The following RANBP2 variants were observed in gnomAD, a reference collection of about 807,000 sequenced individuals.
RANBP2 encodes the protein RAN binding protein 2, also known as E3 SUMO-protein ligase RanBP2.
In RANBP2, 57 loss-of-function variants were observed where a neutral mutation model predicts 303.6. The ratio of observed to expected loss-of-function variants is 0.19; its 90% CI spans 0.15 to 0.23. The LOEUF is 0.23. RANBP2 is among the 10% of genes least tolerant of loss of function. The pLI, the probability that RANBP2 is intolerant of heterozygous loss-of-function variation, is 1.00. For missense variants in RANBP2, 3,138 were observed against 3,780.8 expected (o/e 0.83, Z 4.46); for synonymous variants, 1,167 against 1,301.5 (o/e 0.90, Z 2.23).
At chr2:109,030,573 G>C in the RANBP2 span, among the ~76,000 whole-genome samples, 1 of 152,208 alleles carries the variant, frequency 6.6e-6, no homozygotes, top group Non-Finnish European at 1.5e-5. Flanking sequence ...AAGGAGTGGG[G>C]AGTGGTGGCC....
At chr2:108,772,689 G>T in intron 22 of RANBP2, 108 bp downstream of exon 22, 1 of 1,290,500 alleles carries the variant, frequency 7.7e-7, no homozygotes, top group Non-Finnish European at 1.1e-6. Flanking sequence ...GATGCCCATG[G>T]TGATTTAAAA....
the RANBP2 span, among the ~76,000 whole-genome samples, chr2:108,823,532 G>A: frequency 1.3e-5 from 2 of 152,158 alleles, no homozygotes; most frequent in Admixed American, 6.5e-5. Context: ...CCTACTACCA[G>A]CCTAGGCTAT....
chr2:109,692,618 G>A, the RANBP2 span, among the ~76,000 whole-genome samples: 1 of 152,100 alleles, frequency 6.6e-6, no homozygotes, highest in Non-Finnish European at 1.5e-5. Context: ...GAGGAAGCCT[G>A]TGGGAGGGAG....
chr2:109,001,952 G>A, the RANBP2 span, among the ~76,000 whole-genome samples: 1 of 151,874 alleles, frequency 6.6e-6, no homozygotes, highest in East Asian at 1.9e-4. Flanking sequence ...GGATGGTCTC[G>A]ATCTCCTGAC....
chr2:109,616,604 C>T, the RANBP2 span: 1 of 167,074 alleles, frequency 6.0e-6, no homozygotes, highest in African/African-American at 2.4e-5. Context: ...TGCAAAAATA[C>T]TAATTAGAGA....
At chr2:109,580,339 C>A in the RANBP2 span, among the ~76,000 whole-genome samples, 1 of 114,542 alleles carries the variant, frequency 8.7e-6, no homozygotes, top group Non-Finnish European at 1.9e-5. Context: ...CACAATTTCT[C>A]CATAAAATGC....
chr2:109,377,723 A>T, the RANBP2 span, among the ~76,000 whole-genome samples: 1 of 152,186 alleles, frequency 6.6e-6, no homozygotes, highest in African/African-American at 2.4e-5. Flanking sequence ...CAGCACAATG[A>T]TGATAGCGTG....
At chr2:108,781,729 A>G (rs531114237) in intron 26 of RANBP2, among the ~76,000 whole-genome samples, 49 of 152,278 alleles carry the variant, frequency 3.2e-4, no homozygotes, top group Non-Finnish European at 6.2e-4. Flanking sequence ...CCTCATACTC[A>G]CTAAAGTCCT....
chr2:109,408,583 G>T, the RANBP2 span, among the ~76,000 whole-genome samples: 1 of 152,340 alleles, frequency 6.6e-6, no homozygotes, highest in Non-Finnish European at 1.5e-5. Flanking sequence ...CCCTCTACCA[G>T]CCCGTGAGCT....
chr2:109,529,219 G>T, the RANBP2 span, among the ~76,000 whole-genome samples: 1 of 152,178 alleles, frequency 6.6e-6, no homozygotes, highest in Non-Finnish European at 1.5e-5. Flanking sequence ...GGCACATGGG[G>T]TGCCCAGTCT....
intron 20 of RANBP2, among the ~76,000 whole-genome samples, chr2:108,771,219 C>A (rs1016301933): frequency 6.7e-6 from 1 of 150,194 alleles, no homozygotes; most frequent in Admixed American, 6.7e-5. Context: ...ACCTTCCATT[C>A]TTGGCAATTG....
the RANBP2 span, among the ~76,000 whole-genome samples, chr2:109,002,351 A>T: frequency 2.0e-5 from 3 of 152,148 alleles, no homozygotes; most frequent in Non-Finnish European, 2.9e-5. Flanking sequence ...TTTAATGCAA[A>T]GGGCACCACA....
the RANBP2 span, chr2:108,883,550 TA>T: frequency 6.6e-6 from 1 of 152,304 alleles, no homozygotes; most frequent in African/African-American, 2.4e-5. Flanking sequence ...GTTCTCTCCA[TA>T]ATGGTTTGCC....
At chr2:109,438,573 T>C in the RANBP2 span, among the ~76,000 whole-genome samples, 3 of 152,190 alleles carry the variant, frequency 2.0e-5, no homozygotes, top group Admixed American at 1.3e-4. Context: ...TTAAATCAGC[T>C]AAGAATGATT....
the RANBP2 span, among the ~76,000 whole-genome samples, chr2:108,907,234 G>T: frequency 6.6e-6 from 1 of 152,172 alleles, no homozygotes; most frequent in Admixed American, 6.5e-5. Context: ...AAAATTGTCT[G>T]GTTAGATAAA....
the RANBP2 span, among the ~76,000 whole-genome samples, chr2:109,342,903 T>C: frequency 7.9e-5 from 12 of 152,354 alleles, no homozygotes; most frequent in South Asian, 2.5e-3. Context: ...TGGCTGATGT[T>C]AATTGTCCTG....
At chr2:109,353,658 A>G in the RANBP2 span, among the ~76,000 whole-genome samples, 1 of 151,380 alleles carries the variant, frequency 6.6e-6, no homozygotes, top group East Asian at 2.0e-4. Context: ...CCATTCCTTC[A>G]CTCTTCAGAT....
At chr2:109,468,085 G>A in the RANBP2 span, among the ~76,000 whole-genome samples, 8 of 152,202 alleles carry the variant, frequency 5.3e-5, no homozygotes, top group Admixed American at 2.6e-4. Flanking sequence ...AGCTAGATAC[G>A]GTCATGTGTC....
At chr2:109,251,539 C>T in the RANBP2 span, 3 of 762,484 alleles carry the variant, frequency 3.9e-6, no homozygotes, top group African/African-American at 5.1e-5. Flanking sequence ...CTTTATGAAT[C>T]TTGTGATAGA....
Sources: allele counts gnomAD v4.1 joint callset (sites outside exome capture counted in the v4.1 genomes callset), GRCh38; gene constraint gnomAD v4.1.1; transcripts MANE v1.5; gene names NCBI Gene and HGNC (gene_info 2026-07-23, HGNC 2026-07-21).